The following EML6 variants were observed in gnomAD, a reference collection of about 807,000 sequenced individuals.
The protein encoded by EML6 is echinoderm microtubule-associated protein-like 6.
Under a neutral mutation model 240.1 loss-of-function variants are expected in EML6, and 154 were observed. The observed-to-expected ratio is 0.64, with a 90% CI of 0.56 to 0.73. EML6 has a LOEUF of 0.73. Among genes scored for constraint, EML6 ranks in the 30% least tolerant of loss-of-function variants. EML6 has a pLI of 0.00. For synonymous variants in EML6, 1,148 were observed against 899.0 expected, an observed-to-expected ratio of 1.28 and a Z score of -4.95; for missense variants, 2,964 against 2,474.6, an observed-to-expected ratio of 1.20 and a Z score of -4.20.
intron 2 of EML6, among the ~76,000 whole-genome samples, chr2:54,769,380 T>C: frequency 6.6e-6 from 1 of 152,208 alleles, no homozygotes; most frequent in East Asian, 1.9e-4. Flanking sequence ...ACCTGATCTA[T>C]GATGGGTTCT....
At chr2:54,968,353 T>C in intron 40 of EML6, 72 bp downstream of exon 40, 1 of 1,367,962 alleles carries the variant, frequency 7.3e-7, no homozygotes, top group Admixed American at 2.0e-5. Flanking sequence ...GGGCCACGTC[T>C]AGATGGCCCT....
chr2:54,759,510 A>G (rs1412937798), intron 2 of EML6, among the ~76,000 whole-genome samples: 2 of 152,182 alleles, frequency 1.3e-5, no homozygotes, highest in Non-Finnish European at 2.9e-5. Context: ...GACTAAACGC[A>G]TAGTAACTTT....
At chr2:54,807,645 G>C (rs532836966) in intron 2 of EML6, among the ~76,000 whole-genome samples, 35 of 152,284 alleles carry the variant, frequency 2.3e-4, no homozygotes, top group African/African-American at 7.5e-4. Flanking sequence ...CATATGGATA[G>C]GATAGCAATA....
intron 35 of EML6, among the ~76,000 whole-genome samples, chr2:54,961,612 G>T (rs1172311252): frequency 1.3e-5 from 2 of 152,124 alleles, no homozygotes; most frequent in Admixed American, 6.6e-5. Context: ...GGTGATGGAG[G>T]AGTCTGTGCT....
chr2:54,749,900 C>T (rs1027336969), intron 2 of EML6, among the ~76,000 whole-genome samples: 5 of 152,204 alleles, frequency 3.3e-5, no homozygotes, highest in Non-Finnish European at 7.3e-5. Flanking sequence ...ATGAATTTAA[C>T]ATGAACTCCC....
chr2:54,875,727 C>G (rs1472740921), intron 16 of EML6, among the ~76,000 whole-genome samples: 2 of 152,178 alleles, frequency 1.3e-5, no homozygotes, highest in African/African-American at 2.4e-5. Context: ...TTGAGAACCT[C>G]TTTTAACTCA....
At chr2:54,800,552 T>C (rs1324242838) in intron 2 of EML6, among the ~76,000 whole-genome samples, 1 of 152,140 alleles carries the variant, frequency 6.6e-6, no homozygotes, top group Non-Finnish European at 1.5e-5. Context: ...AAAACAAGCA[T>C]GAATTGACTT....
At chr2:54,802,027 G>A in intron 2 of EML6, among the ~76,000 whole-genome samples, 1 of 152,176 alleles carries the variant, frequency 6.6e-6, no homozygotes, top group East Asian at 1.9e-4. Flanking sequence ...TTACTCAGAT[G>A]TCTGAAGCTA....
intron 7 of EML6, among the ~76,000 whole-genome samples, chr2:54,835,539 A>G (rs6723047): frequency 0.05 from 7,669 of 152,262 alleles, 640 homozygotes; most frequent in African/African-American, 0.17. Flanking sequence ...GGCATGTGGC[A>G]TAATCGGATC....
At position 54,970,245 on chromosome 2, in the gene EML6, C is replaced by T. The variant is rs1676931258; in HGVS notation, c.*150C>T. 4.0e-6 allele frequency: 3 copies of T among 742,038 alleles called. No homozygotes were observed. Among genetic ancestry groups the T allele is most frequent in the East Asian group, 2.7e-5 (1 of 36,998 alleles). 46.0% of individuals were successfully genotyped at this position (742,038 alleles called of 1,614,324 possible). On this transcript the variant is annotated 3_prime_UTR_variant, in exon 42 of 42. Coordinates refer to ENST00000356458, the MANE Select transcript of EML6 (RefSeq NM_001039753.4). ...AGCTCAAAACGCTGCAGAAGTTACA[C>T]AACTGCTCCCATAATCTGGACTCTC...
At chr2:54,727,521 A>T (rs1277318624) in intron 2 of EML6, among the ~76,000 whole-genome samples, 1 of 152,180 alleles carries the variant, frequency 6.6e-6, no homozygotes, top group East Asian at 1.9e-4. Context: ...ACAATGCACA[A>T]TTTTTTGTCC....
chr2:54,884,230 C>CAGAGGATGTTAT (rs1199518127), intron 17 of EML6, among the ~76,000 whole-genome samples: 10 of 152,014 alleles, frequency 6.6e-5, no homozygotes, highest in African/African-American at 2.4e-4. Context: ...CAGGTTATTA[C>CAGAGGATGTTAT]AAAGGTTATG....
chr2:54,945,286 C>T (rs1265690118), intron 28 of EML6, among the ~76,000 whole-genome samples: 2 of 55,122 alleles, frequency 3.6e-5, no homozygotes, highest in African/African-American at 6.8e-5. Flanking sequence ...CTCTCTCTGC[C>T]TCCCCCTTCT....
intron 7 of EML6, among the ~76,000 whole-genome samples, chr2:54,840,208 G>GT (rs1669369579): frequency 1.3e-5 from 2 of 152,230 alleles, no homozygotes; most frequent in Admixed American, 6.5e-5. Flanking sequence ...CAGACATGCT[G>GT]TTGGAGGCCT....
intron 12 of EML6, among the ~76,000 whole-genome samples, chr2:54,860,867 T>C (rs1670636280): frequency 6.6e-6 from 1 of 152,170 alleles, no homozygotes; most frequent in Non-Finnish European, 1.5e-5. Flanking sequence ...CTTTTACAGC[T>C]ACCTCCCAGA....
At chr2:54,746,125 A>G (rs2103676889) in intron 2 of EML6, among the ~76,000 whole-genome samples, 1 of 152,366 alleles carries the variant, frequency 6.6e-6, no homozygotes, top group African/African-American at 2.4e-5. Context: ...CCAAATTGCT[A>G]GAACAATGAG....
At chr2:54,924,528 T>C (rs949148904) in intron 26 of EML6, among the ~76,000 whole-genome samples, 3 of 152,212 alleles carry the variant, frequency 2.0e-5, no homozygotes, top group African/African-American at 7.2e-5. Context: ...ATATGAATTA[T>C]TTTGATAAAA....
chr2:54,834,958 A>G (rs916265696), intron 7 of EML6, among the ~76,000 whole-genome samples: 2 of 152,180 alleles, frequency 1.3e-5, no homozygotes, highest in South Asian at 4.1e-4. Flanking sequence ...AAACCCTGCA[A>G]TGATTCATCT....
intron 32 of EML6, among the ~76,000 whole-genome samples, chr2:54,955,563 A>G (rs911454068): frequency 6.6e-6 from 1 of 152,150 alleles, no homozygotes; most frequent in African/African-American, 2.4e-5. Flanking sequence ...AGATCCTTGG[A>G]AGAAAGCTCT....
Sources: allele counts gnomAD v4.1 joint callset (sites outside exome capture counted in the v4.1 genomes callset), GRCh38; gene constraint gnomAD v4.1.1; transcripts MANE v1.5; gene names NCBI Gene and HGNC (gene_info 2026-07-23, HGNC 2026-07-21).